MICU1: variants seen among roughly 807,000 people sequenced by gnomAD.
MICU1 encodes the protein calcium uptake protein 1, mitochondrial.
Under a neutral mutation model 56.8 loss-of-function variants are expected in MICU1, and 45 were observed. The observed-to-expected ratio is 0.79, with a 90% confidence interval of 0.62 to 1.02. MICU1 has a LOEUF of 1.02. Ranked by LOEUF, MICU1 falls within the 50% of genes least tolerant of loss-of-function variation. The probability of loss-of-function intolerance (pLI) is 0.00; values close to 1 mark genes in which losing one functional copy is unlikely to be tolerated. For missense variants in MICU1, 504 were observed against 587.1 expected, an observed-to-expected ratio of 0.86 and a Z score of 1.46; for synonymous variants, 186 against 195.1, an observed-to-expected ratio of 0.95 and a Z score of 0.39.
In MICU1 at chr10:72,456,849, TTGTGTGTG is replaced by T. The variant is rs56262647; in HGVS notation, c.933+18243_933+18250del. On this transcript the variant is annotated intron_variant, in intron 8 of 11. Coordinates refer to ENST00000361114, the MANE Select transcript of MICU1 (RefSeq NM_001195518.2). ...GATGCACCACCATGCCGGGCTCATT[TTGTGTGTG>T]TGTGTGTGTGTGTGTGTGTGTGTGT... 4.3e-3 allele frequency among the ~76,000 whole-genome samples: 580 copies of T among 134,586 alleles called. 8 individuals are homozygous for T. The highest frequency in any genetic ancestry group is 0.012 in the African/African-American group (445 of 36,164). 88.3% of individuals were successfully genotyped at this position (134,586 alleles called of 152,430 possible).
chr10:72,453,030 G>A (rs993955211), intron 8 of MICU1, among the ~76,000 whole-genome samples: 3 of 152,182 alleles, frequency 2.0e-5, no homozygotes, highest in Non-Finnish European at 2.9e-5. Context: ...ACGAGGCAGA[G>A]GAGGCTCCTG....
chr10:72,423,796 T>C (rs1049388507), intron 8 of MICU1, among the ~76,000 whole-genome samples: 1 of 152,214 alleles, frequency 6.6e-6, no homozygotes, highest in African/African-American at 2.4e-5. Context: ...GCTTTAAAGA[T>C]AATAATATTG....
chr10:72,549,653 G>A (rs570708786), intron 4 of MICU1, among the ~76,000 whole-genome samples: 6 of 151,922 alleles, frequency 3.9e-5, no homozygotes, highest in South Asian at 2.1e-4. Flanking sequence ...TTTCTTAGCC[G>A]GGTGCAGTGG....
At chr10:72,459,683 C>T (rs907363683) in intron 8 of MICU1, among the ~76,000 whole-genome samples, 2 of 152,138 alleles carry the variant, frequency 1.3e-5, no homozygotes, top group African/African-American at 4.8e-5. Flanking sequence ...TCATCAATTC[C>T]CAATGTATCA....
rs1862199233 is a variant in MICU1, at chr10:72,367,941, G to A, written c.*254C>T. 1 of 418,776 alleles carries A rather than the reference G, an allele frequency of 2.4e-6. No individual in the cohort carries two copies. Among genetic ancestry groups the A allele is most frequent in the Non-Finnish European group, 4.3e-6 (1 of 233,210 alleles). The allele number at this position is 418,776 out of a possible 1,614,324, so 25.9% of individuals were successfully genotyped here. On this transcript the variant is annotated 3_prime_UTR_variant, in exon 12 of 12. Transcript: ENST00000361114. The stretch of plus-strand genomic sequence containing the variant: ...TGCTTGAATGGGTGGTGCTGTTGAG[G>A]CTGACAAATGTCTGAGCTTTACAGA...
chr10:72,443,483 C>G (rs1865006954), intron 8 of MICU1, among the ~76,000 whole-genome samples: 1 of 152,144 alleles, frequency 6.6e-6, no homozygotes, highest in Non-Finnish European at 1.5e-5. Flanking sequence ...AGGTTTTCTT[C>G]TAGGGTTTTT....
At chr10:72,617,095 A>G (rs1842001189) in intron 1 of MICU1, among the ~76,000 whole-genome samples, 1 of 152,224 alleles carries the variant, frequency 6.6e-6, no homozygotes, top group Non-Finnish European at 1.5e-5. Flanking sequence ...GTTTCAGGCA[A>G]GAAGGTAACC....
At chr10:72,514,141 AT>A (rs1229139069) in intron 5 of MICU1, among the ~76,000 whole-genome samples, 1 of 151,910 alleles carries the variant, frequency 6.6e-6, no homozygotes, top group East Asian at 1.9e-4. Flanking sequence ...CCTCTAGTCA[AT>A]TTTTCAACTC....
intron 3 of MICU1, among the ~76,000 whole-genome samples, chr10:72,552,288 T>C (rs1304124818): frequency 4.6e-5 from 7 of 152,218 alleles, no homozygotes; most frequent in African/African-American, 1.7e-4. Flanking sequence ...CTAGTTAATA[T>C]GAAAGTTCAT....
At chr10:72,592,927 C>A (rs535045583) in intron 1 of MICU1, among the ~76,000 whole-genome samples, 1 of 151,998 alleles carries the variant, frequency 6.6e-6, no homozygotes, top group African/African-American at 2.4e-5. Context: ...AAATTACAGG[C>A]ACCTGACACC....
At chr10:72,547,145 G>A (rs892262505) in intron 4 of MICU1, among the ~76,000 whole-genome samples, 1 of 151,768 alleles carries the variant, frequency 6.6e-6, no homozygotes. Flanking sequence ...TGTCCATGTC[G>A]GCCTCCCAAA....
chr10:72,496,167 G>A (rs542207619), intron 6 of MICU1, among the ~76,000 whole-genome samples: 1 of 152,032 alleles, frequency 6.6e-6, no homozygotes, highest in African/African-American at 2.4e-5. Flanking sequence ...TTGCTCTGTC[G>A]CCTAGGCTGG....
chr10:72,450,710 CTTTATTTT>C (rs1564876848), intron 8 of MICU1, among the ~76,000 whole-genome samples: 1 of 148,738 alleles, frequency 6.7e-6, no homozygotes, highest in African/African-American at 2.5e-5. Context: ...TTCCTTAAAT[CTTTATTTT>C]TTTAATTCTT....
chr10:72,568,323 T>C (rs547803722), intron 1 of MICU1, among the ~76,000 whole-genome samples: 1 of 152,306 alleles, frequency 6.6e-6, no homozygotes, highest in African/African-American at 2.4e-5. Flanking sequence ...TAGGCAAAAT[T>C]ACTTTTCTAC....
chr10:72,523,944 G>A, intron 5 of MICU1: 1 of 1,422,114 alleles, frequency 7.0e-7, no homozygotes, highest in Non-Finnish European at 9.2e-7. Context: ...CTTTCTAGGT[G>A]TCCCATTTGT....
At chr10:72,473,690 C>T (rs907433713) in intron 8 of MICU1, among the ~76,000 whole-genome samples, 5 of 152,094 alleles carry the variant, frequency 3.3e-5, no homozygotes, top group Non-Finnish European at 7.4e-5. Flanking sequence ...CAGGGGACTC[C>T]GCACAGAAAG....
At chr10:72,448,962 T>C (rs1162392282) in intron 8 of MICU1, among the ~76,000 whole-genome samples, 3 of 152,122 alleles carry the variant, frequency 2.0e-5, no homozygotes, top group African/African-American at 7.2e-5. Context: ...TTAGATAGGG[T>C]CTCACTCCGT....
chr10:72,523,050 T>G (rs1320163676), intron 5 of MICU1, among the ~76,000 whole-genome samples: 1 of 152,208 alleles, frequency 6.6e-6, no homozygotes, highest in East Asian at 1.9e-4. Context: ...TCACCTAGTG[T>G]GGTTGACTAC....
intron 1 of MICU1, among the ~76,000 whole-genome samples, chr10:72,589,902 C>T (rs7905951): frequency 0.041 from 6,208 of 151,788 alleles, 435 homozygotes; most frequent in African/African-American, 0.14. Context: ...TAATGCATTC[C>T]AAAAAATTAT....
Sources: gnomAD v4.1 joint callset for allele counts (sites outside exome capture counted in the v4.1 genomes callset) on GRCh38, gnomAD v4.1.1 for gene constraint, MANE v1.5 for transcripts, NCBI Gene and HGNC (gene_info 2026-07-23, HGNC 2026-07-21) for gene names.